The following MAPK10 variants were observed in gnomAD, a reference collection of about 807,000 sequenced individuals.
MAPK10 encodes the protein mitogen-activated protein kinase 10.
In MAPK10, 25 loss-of-function variants were observed where a neutral mutation model predicts 59.3. The ratio of observed to expected loss-of-function variants is 0.42; its 90% confidence interval spans 0.31 to 0.59. MAPK10 has a LOEUF of 0.59. Ranked by LOEUF, MAPK10 falls within the 20% of genes least tolerant of loss-of-function variation. The probability of loss-of-function intolerance (pLI) is 0.15; values close to 1 mark genes in which losing one functional copy is unlikely to be tolerated. For synonymous variants in MAPK10, 190 were observed against 200.5 expected, an observed-to-expected ratio of 0.95 and a Z score of 0.44; for missense variants, 351 against 568.9, an observed-to-expected ratio of 0.62 and a Z score of 3.90.
intron 2 of MAPK10, among the ~76,000 whole-genome samples, chr4:86,311,763 T>C (rs1014583974): frequency 1.3e-5 from 2 of 152,146 alleles, no homozygotes; most frequent in African/African-American, 4.8e-5. Flanking sequence ...TTGGGACTAC[T>C]GAAGAATTCC....
chr4:86,133,734 T>C (rs985242905), intron 4 of MAPK10, among the ~76,000 whole-genome samples: 8 of 152,222 alleles, frequency 5.3e-5, no homozygotes, highest in African/African-American at 1.9e-4. Context: ...TGCTGGTGGC[T>C]CCAACTGAGA....
At chr4:86,258,966 A>C (rs1283827494) in intron 2 of MAPK10, among the ~76,000 whole-genome samples, 1 of 152,184 alleles carries the variant, frequency 6.6e-6, no homozygotes, top group African/African-American at 2.4e-5. Context: ...TTTCGGTAGC[A>C]TATAAGCTAA....
intron 2 of MAPK10, among the ~76,000 whole-genome samples, chr4:86,207,368 G>A (rs1407237537): frequency 4.0e-5 from 6 of 151,814 alleles, no homozygotes; most frequent in African/African-American, 1.2e-4. Context: ...GATAGGCGGT[G>A]TTATTTCTGA....
chr4:86,089,817 TTG>T (rs2052726461), intron 9 of MAPK10, among the ~76,000 whole-genome samples: 1 of 152,186 alleles, frequency 6.6e-6, no homozygotes, highest in South Asian at 2.1e-4. Flanking sequence ...TCAGAATATG[TTG>T]TCTTAGTGTC....
intron 3 of MAPK10, among the ~76,000 whole-genome samples, chr4:86,166,611 A>T (rs75670038): frequency 0.085 from 12,881 of 152,202 alleles, 1,205 homozygotes; most frequent in African/African-American, 0.23. Flanking sequence ...ACAAAGAACC[A>T]ACAGAGTTCA....
chr4:86,085,200 G>A (rs2051513720), intron 9 of MAPK10, among the ~76,000 whole-genome samples: 1 of 152,106 alleles, frequency 6.6e-6, no homozygotes, highest in African/African-American at 2.4e-5. Flanking sequence ...AAAATTTATT[G>A]AGTAATACCT....
chr4:86,031,589 G>A lies in MAPK10; in HGVS notation c.1111-158C>T. ...GTAGTTCAGAAGTTAAAATTTTCCT[G>A]TAAACTTATGGAGGATTCATTCATA... On this transcript the variant is annotated intron_variant, in intron 11 of 13. Transcript: ENST00000641462. 5 of 568,900 alleles carry A rather than the reference G, an allele frequency of 8.8e-6. No homozygotes were observed. In the South Asian group the frequency reaches 1.2e-4, roughly 13 times the overall value. The allele number at this position is 568,900 out of a possible 1,614,324, so 35.2% of individuals were successfully genotyped here.
rs1450045652 is a variant in MAPK10, at chr4:86,535,323, A to G, written c.-263+58587T>C. Among the ~76,000 whole-genome samples, 67 of 152,234 alleles carry G rather than the reference A, an allele frequency of 4.4e-4. 2 individuals carry two copies. The highest frequency in any genetic ancestry group is 4.3e-3 in the Admixed American group (66 of 15,288). ...CTGGACAGTTTTAACAATTCATTCA[A>G]AATGGGCAACCCAAGCATCACATGA... On this transcript the variant is annotated intron_variant, in intron 1 of 4. Coordinates refer to the MAPK10 transcript ENST00000502302.
chr4:86,078,318 G>A (rs1430156979), intron 9 of MAPK10, among the ~76,000 whole-genome samples: 3 of 152,150 alleles, frequency 2.0e-5, no homozygotes, highest in Non-Finnish European at 4.4e-5. Context: ...TCATTCACCT[G>A]AGAATACTCA....
chr4:86,391,254 C>T (rs1386104394), intron 1 of MAPK10, among the ~76,000 whole-genome samples: 38 of 152,202 alleles, frequency 2.5e-4, no homozygotes, highest in Non-Finnish European at 1.3e-4. Flanking sequence ...ATGCAAGCCT[C>T]TGTAAGTATT....
At chr4:86,450,867 G>T (rs1750616370) in intron 1 of MAPK10, among the ~76,000 whole-genome samples, 1 of 152,132 alleles carries the variant, frequency 6.6e-6, no homozygotes, top group Non-Finnish European at 1.5e-5. Flanking sequence ...TGCAGTCCTA[G>T]AATTCAAAAG....
chr4:86,393,501 G>A (rs1742510121), intron 1 of MAPK10, among the ~76,000 whole-genome samples: 1 of 151,974 alleles, frequency 6.6e-6, no homozygotes, highest in African/African-American at 2.4e-5. Context: ...ATAAAGCAAT[G>A]TTTCTAATGG....
intron 4 of MAPK10, among the ~76,000 whole-genome samples, chr4:86,154,890 A>C (rs2067314669): frequency 6.6e-6 from 1 of 152,150 alleles, no homozygotes; most frequent in Non-Finnish European, 1.5e-5. Flanking sequence ...GAACTTCATC[A>C]ATTTTTCTCG....
chr4:86,209,535 C>G, intron 2 of MAPK10, among the ~76,000 whole-genome samples: 1 of 151,902 alleles, frequency 6.6e-6, no homozygotes, highest in East Asian at 1.9e-4. Flanking sequence ...AAACAGCAAA[C>G]GATGGGATAG....
At chr4:86,438,344 T>C (rs573914680) in intron 1 of MAPK10, among the ~76,000 whole-genome samples, 1 of 152,212 alleles carries the variant, frequency 6.6e-6, no homozygotes, top group South Asian at 2.1e-4. Flanking sequence ...AAGTGTAAAA[T>C]TGGAGGTTGT....
chr4:86,494,627 C>T (rs1387979865), intron 1 of MAPK10, among the ~76,000 whole-genome samples: 4 of 151,914 alleles, frequency 2.6e-5, no homozygotes, highest in African/African-American at 9.7e-5. Flanking sequence ...GGGCGGATCA[C>T]GAGGTCAAGA....
chr4:86,459,951 A>G (rs961416341), intron 1 of MAPK10, among the ~76,000 whole-genome samples: 1 of 152,194 alleles, frequency 6.6e-6, no homozygotes, highest in Non-Finnish European at 1.5e-5. Flanking sequence ...CTTCTAAGAA[A>G]AAAATCTAAA....
In MAPK10 at chr4:86,394,731, A is replaced by T. The variant is rs139071991; in HGVS notation, c.-121-40087T>A. On this transcript the variant is annotated intron_variant, in intron 1 of 13. Transcript: ENST00000361569. ...TAGCATGCTTTCTATCTTGAGTAGG[A>T]TCTCATTTATTTTAAAAAGTGAAGT... Among the ~76,000 whole-genome samples the T allele has an allele frequency of 1.4e-4, 21 of 152,302 alleles. No individual in the cohort carries two copies. In the East Asian group the frequency reaches 4.1e-3, roughly 29 times the overall value.
intron 9 of MAPK10, among the ~76,000 whole-genome samples, chr4:86,073,890 T>C (rs1395190805): frequency 3.0e-4 from 35 of 116,560 alleles, no homozygotes; most frequent in Middle Eastern, 8.1e-3. Flanking sequence ...GGTGGTGAGT[T>C]CTGTAGATGT....
Sources: allele counts gnomAD v4.1 joint callset (sites outside exome capture counted in the v4.1 genomes callset), GRCh38; gene constraint gnomAD v4.1.1; transcripts MANE v1.5; gene names NCBI Gene and HGNC (gene_info 2026-07-23, HGNC 2026-07-21).